Variants in DBH observed in about 807,000 individuals in gnomAD.
DBH encodes the protein dopamine beta-hydroxylase (dopamine beta-monooxygenase).
DBH carries 49 observed loss-of-function variants against 64.0 expected under a neutral mutation model. The observed-to-expected ratio is 0.77, with a 90% CI of 0.61 to 0.97. DBH has a LOEUF of 0.97. Ranked by LOEUF, DBH falls within the 50% of genes least tolerant of loss-of-function variation. The pLI, the probability that DBH is intolerant of heterozygous loss-of-function variation, is 0.00. For missense variants in DBH, 828 were observed against 826.6 expected (o/e 1.00, Z -0.02); for synonymous variants, 343 against 347.1 (o/e 0.99, Z 0.13).
chr9:133,649,468 C>T (rs1423786589), intron 6 of DBH, among the ~76,000 whole-genome samples: 3 of 152,226 alleles, frequency 2.0e-5, no homozygotes, highest in African/African-American at 7.2e-5. Context: ...GCCGTGACAG[C>T]AGATTTCGTT....
intron 9 of DBH, 198 bp from the exon 10 acceptor site, chr9:133,656,325 C>T: frequency 3.2e-6 from 2 of 629,140 alleles, no homozygotes; most frequent in Non-Finnish European, 5.6e-6. Context: ...TCCTGGTTGA[C>T]TCACTCACTC....
intron 6 of DBH, among the ~76,000 whole-genome samples, chr9:133,650,175 C>T (rs2283123): frequency 0.097 from 14,836 of 152,194 alleles, 778 homozygotes; most frequent in South Asian, 0.19. Context: ...GCCTCTCAAG[C>T]CATTGCAAGG....
At chr9:133,636,755 G>A (rs763202652) in intron 1 of DBH, 45 bp downstream of exon 1, 16 of 1,555,844 alleles carry the variant, frequency 1.0e-5, no homozygotes, top group Non-Finnish European at 1.1e-5. Context: ...TTCCTGACCC[G>A]GCACCCCATC....
chr9:133,657,335 G>C (rs556358712), intron 11 of DBH, 106 bp downstream of exon 11: 5 of 1,398,006 alleles, frequency 3.6e-6, no homozygotes, highest in Non-Finnish European at 5.0e-6. Context: ...AAAAGCACTC[G>C]CACAAGACAA....
chr9:133,643,987 G>A lies in DBH; in HGVS notation c.922-231G>A, dbSNP rs1832148481. The stretch of plus-strand genomic sequence containing the variant: ...GTCTAGAGAAGGGGTTTTGGGGGAA[G>A]GCTCAGCCCTAGGCACCAGCTCCTC... On this transcript the variant is annotated intron_variant, in intron 4 of 11. Coordinates refer to ENST00000393056, the MANE Select transcript of DBH (RefSeq NM_000787.4). This position sits in a 1 kb window ranked among gnomAD's most constrained non-coding sequence, Gnocchi z 5.3. Among the ~76,000 whole-genome samples, 1 of 152,166 alleles carries A rather than the reference G, an allele frequency of 6.6e-6. No homozygotes were observed. The highest frequency in any genetic ancestry group is 2.1e-4 in the South Asian group (1 of 4,828).
chr9:133,652,783 C>T (rs568221723), intron 8 of DBH, among the ~76,000 whole-genome samples, 157 bp from the exon 9 acceptor site: 34 of 152,282 alleles, frequency 2.2e-4, no homozygotes, highest in South Asian at 4.1e-4. Context: ...CTGTGACCTT[C>T]GCACATGAAT....
At chr9:133,642,177 G>A (rs953182187) in intron 2 of DBH, 30 bp from the exon 3 acceptor site, 2 of 1,610,624 alleles carry the variant, frequency 1.2e-6, no homozygotes, top group African/African-American at 1.3e-5. Context: ...CTCTGAGAGG[G>A]CGACCAGCTG....
At position 133,636,602 on chromosome 9, in the gene DBH, G is replaced by C; in HGVS notation, c.231G>C (p.Leu77=). 1 of 1,613,804 alleles carries C rather than the reference G, an allele frequency of 6.2e-7. No homozygotes were observed. The highest frequency in any genetic ancestry group is 8.5e-7 in the Non-Finnish European group (1 of 1,180,026). ...YTQEAIHFQL[L]VRRLKAGVLF... is the part of the protein sequence containing the mutation. ...AGGAGGCCATCCATTTCCAGCTCCT[G>C]GTGCGGAGGCTCAAGGCTGGCGTCC... The change falls in exon 1 of 12, where the codon CTG becomes CTC. Residue 77 remains leucine, a synonymous_variant. Transcript: ENST00000393056.
chr9:133,657,336 C>T, intron 11 of DBH, 107 bp downstream of exon 11: 1 of 1,395,472 alleles, frequency 7.2e-7, no homozygotes, highest in Non-Finnish European at 1.0e-6. Context: ...AAAGCACTCG[C>T]ACAAGACAAT....
intron 7 of DBH, 114 bp downstream of exon 7, chr9:133,651,891 T>A: frequency 8.7e-7 from 1 of 1,148,764 alleles, no homozygotes; most frequent in Non-Finnish European, 1.3e-6. Context: ...TTCTTTTTCC[T>A]GGGCCAGCCC....
rs913698453 is a variant in DBH, at chr9:133,653,831, C to T, written c.1434+832C>T. ...TCCGGGAGCCAAAGGGGATGCTGTTCACAATTACCTGGGTCCCAGGCACAA... is the reference window on the plus strand; with the variant it reads ...TCCGGGAGCCAAAGGGGATGCTGTTTACAATTACCTGGGTCCCAGGCACAA... On this transcript the variant is annotated intron_variant, in intron 9 of 11. Transcript: ENST00000393056. Among the ~76,000 whole-genome samples the T allele has an allele frequency of 2.6e-5, 4 of 152,246 alleles. No homozygotes were observed. In the South Asian group the frequency reaches 8.3e-4, roughly 31 times the overall value.
At chr9:133,650,433 C>T (rs1588351692) in intron 6 of DBH, among the ~76,000 whole-genome samples, 1 of 145,014 alleles carries the variant, frequency 6.9e-6, no homozygotes, top group African/African-American at 2.8e-5. Flanking sequence ...TCTTTTCTTT[C>T]CTTCTTTCCT....
intron 5 of DBH, among the ~76,000 whole-genome samples, chr9:133,647,075 A>G (rs1251145384): frequency 1.3e-5 from 2 of 152,164 alleles, no homozygotes; most frequent in Non-Finnish European, 2.9e-5. Flanking sequence ...ACCAAGCAGG[A>G]CCTGGCCTGT....
rs1178970591 is a variant in DBH at position 133,657,108 on chromosome 9, C to G, written c.1601C>G (p.Ser534Cys). The G allele has an allele frequency of 6.2e-7, 1 of 1,614,074 alleles. No individual in the cohort carries two copies. Among genetic ancestry groups the G allele is most frequent in the Admixed American group, 1.7e-5 (1 of 60,034 alleles). ...NEDVCTCPQA[S>C]VSQQFTSVPW... Reference sequence around the variant, plus strand: ...GATGTCTGCACCTGCCCTCAGGCGTCCGTGTCTCAGCAGTTCACCTCTGTT... The same window carrying G: ...GATGTCTGCACCTGCCCTCAGGCGTGCGTGTCTCAGCAGTTCACCTCTGTT... Residue 534 changes from serine to cysteine, a missense_variant, in exon 11 of 12, where the codon TCC becomes TGC. Transcript: ENST00000393056.
At chr9:133,653,072 C>A in intron 9 of DBH, 73 bp downstream of exon 9, 1 of 1,159,700 alleles carries the variant, frequency 8.6e-7, no homozygotes, top group Non-Finnish European at 1.3e-6. Context: ...GGAAGGATGA[C>A]AGGTCTTGAC....
At chr9:133,648,810 C>A (rs1832213128) in intron 6 of DBH, among the ~76,000 whole-genome samples, 1 of 152,262 alleles carries the variant, frequency 6.6e-6, no homozygotes, top group South Asian at 2.1e-4. Flanking sequence ...CTGTGCTGAA[C>A]TGTCTCCCTA....
intron 5 of DBH, among the ~76,000 whole-genome samples, chr9:133,646,460 A>G (rs769792628): frequency 2.0e-5 from 3 of 152,140 alleles, no homozygotes; most frequent in Non-Finnish European, 2.9e-5. Flanking sequence ...AGTTTCAGGA[A>G]CGGTGGGGCT....
chr9:133,638,679 A>C (rs1832080375), intron 1 of DBH, among the ~76,000 whole-genome samples: 4 of 152,146 alleles, frequency 2.6e-5, no homozygotes, highest in Admixed American at 2.6e-4. Context: ...AATGTTAGGA[A>C]TATGATTCTC....
intron 2 of DBH, among the ~76,000 whole-genome samples, chr9:133,640,600 C>G (rs1832106915): frequency 6.6e-6 from 1 of 152,228 alleles, no homozygotes; most frequent in Non-Finnish European, 1.5e-5. Flanking sequence ...CCCTTGAAGA[C>G]AAAACTCTTT....
Sources: allele counts gnomAD v4.1 joint callset (sites outside exome capture counted in the v4.1 genomes callset), GRCh38; gene constraint gnomAD v4.1.1; non-coding constraint Gnocchi (gnomAD v3.1); transcripts MANE v1.5; gene names NCBI Gene and HGNC (gene_info 2026-07-23, HGNC 2026-07-21).